Variants in RABGAP1 observed in about 807,000 individuals in gnomAD.
RABGAP1 encodes RAB GTPase activating protein 1.
Under a neutral mutation model 137.6 loss-of-function variants are expected in RABGAP1, and 23 were observed. The ratio of observed to expected loss-of-function variants is 0.17; its 90% CI spans 0.12 to 0.24. The LOEUF is 0.24. RABGAP1 is among the 10% of genes least tolerant of loss of function. The probability of loss-of-function intolerance (pLI) is 1.00; values close to 1 mark genes in which losing one functional copy is unlikely to be tolerated. For synonymous variants in RABGAP1, 451 were observed against 450.7 expected, an observed-to-expected ratio of 1.00 and a Z score of -0.01; for missense variants, 906 against 1,275.8, an observed-to-expected ratio of 0.71 and a Z score of 4.42.
intron 10 of RABGAP1, among the ~76,000 whole-genome samples, chr9:123,002,640 ATTTATTT>A (rs568842395): frequency 1.3e-5 from 2 of 151,884 alleles, no homozygotes; most frequent in Admixed American, 1.3e-4. Context: ...ATTTTTAAAA[ATTTATTT>A]TTTATTTTTA....
chr9:122,962,824 A>G (rs376535219), intron 2 of RABGAP1, among the ~76,000 whole-genome samples: 2 of 152,318 alleles, frequency 1.3e-5, no homozygotes, highest in East Asian at 1.9e-4. Context: ...ATCCAACTGT[A>G]TGCTCTCTAC....
intron 12 of RABGAP1, among the ~76,000 whole-genome samples, chr9:123,018,057 G>A (rs1031140767): frequency 1.1e-4 from 17 of 152,114 alleles, no homozygotes; most frequent in African/African-American, 2.9e-4. Flanking sequence ...GCAGTGGCGC[G>A]ATCTCGGCTC....
At chr9:123,015,291 T>TTC (rs1490673536) in intron 11 of RABGAP1, among the ~76,000 whole-genome samples, 1 of 91,432 alleles carries the variant, frequency 1.1e-5, no homozygotes, top group Non-Finnish European at 2.2e-5. Flanking sequence ...AATAGCTCCT[T>TTC]TTTTTTTTTT....
intron 8 of RABGAP1, among the ~76,000 whole-genome samples, 156 bp downstream of exon 8, chr9:122,996,761 T>C (rs1029337678): frequency 1.3e-5 from 2 of 152,246 alleles, no homozygotes; most frequent in Non-Finnish European, 2.9e-5. Context: ...TCCTTTTTCC[T>C]GACTAGCTAT....
intron 19 of RABGAP1, among the ~76,000 whole-genome samples, chr9:123,079,234 G>GT (rs1199323680): frequency 3.4e-4 from 48 of 142,496 alleles, no homozygotes; most frequent in African/African-American, 1.2e-3. Context: ...TTTTTGTTTT[G>GT]TTTTGTTTTT....
At chr9:122,985,938 A>G (rs1038697338) in intron 3 of RABGAP1, among the ~76,000 whole-genome samples, 1 of 152,208 alleles carries the variant, frequency 6.6e-6, no homozygotes, top group Non-Finnish European at 1.5e-5. Context: ...TTTAAGTGTC[A>G]TGTAGGTACT....
intron 13 of RABGAP1, among the ~76,000 whole-genome samples, chr9:123,027,226 C>T (rs1778723130): frequency 6.6e-6 from 1 of 151,456 alleles, no homozygotes; most frequent in African/African-American, 2.4e-5. Context: ...AGTGATTCTC[C>T]TGTCACAGCC....
chr9:123,103,020 G>C, intron 25 of RABGAP1, 71 bp from the exon 26 acceptor site: 1 of 1,551,340 alleles, frequency 6.4e-7, no homozygotes, highest in East Asian at 2.4e-5. Context: ...TTCTTGTCTT[G>C]GTTCTCCTCT....
chr9:123,049,056 A>G (rs2132052175), intron 13 of RABGAP1, among the ~76,000 whole-genome samples: 1 of 152,354 alleles, frequency 6.6e-6, no homozygotes, highest in South Asian at 2.1e-4. Flanking sequence ...AAACAATGTG[A>G]TAGCAGTAAA....
chr9:122,954,038 T>C (rs2044765), intron 1 of RABGAP1, among the ~76,000 whole-genome samples: 114,769 of 152,110 alleles, frequency 0.75, 45,292 homozygotes, highest in Middle Eastern at 0.89. Context: ...TGCAGGGCGT[T>C]GGAGGGAGGA....
chr9:123,033,351 C>A (rs962498390), intron 13 of RABGAP1, among the ~76,000 whole-genome samples: 2 of 152,082 alleles, frequency 1.3e-5, no homozygotes, highest in Non-Finnish European at 2.9e-5. Flanking sequence ...CTGTTACTAC[C>A]CCTTCTCCTT....
chr9:122,942,688 A>AAAAAAAAC (rs57695214), intron 1 of RABGAP1, among the ~76,000 whole-genome samples: 1 of 132,828 alleles, frequency 7.5e-6, no homozygotes, highest in Non-Finnish European at 1.7e-5. Flanking sequence ...AAAAAAAAAA[A>AAAAAAAAC]CACAAAAAAA....
chr9:122,950,160 A>G (rs1384298575), intron 1 of RABGAP1, among the ~76,000 whole-genome samples: 1 of 152,184 alleles, frequency 6.6e-6, no homozygotes, highest in Non-Finnish European at 1.5e-5. Context: ...TTTGGGGGCT[A>G]AATAATCAAT....
At chr9:122,962,984 T>C (rs1177619557) in intron 2 of RABGAP1, among the ~76,000 whole-genome samples, 1 of 152,222 alleles carries the variant, frequency 6.6e-6, no homozygotes, top group Non-Finnish European at 1.5e-5. Flanking sequence ...AGAGGTAATA[T>C]ATGAATAATG....
chr9:123,002,368 A>ATT lies in RABGAP1; in HGVS notation c.1374+3611_1374+3612dup, dbSNP rs1554797080. ...ATATATATTTTTATTATATATATAT[A>ATT]TTTTTTTTTTACTTACTGGCCTGAG... On this transcript the variant is annotated intron_variant, in intron 10 of 25. Coordinates refer to ENST00000373647, the MANE Select transcript of RABGAP1 (RefSeq NM_012197.4). 1.5e-3 allele frequency among the ~76,000 whole-genome samples: 161 copies of ATT among 108,508 alleles called. 1 individual carries two copies. Among genetic ancestry groups the ATT allele is most frequent in the Admixed American group, 6.0e-3 (61 of 10,238 alleles). 71.2% of individuals were successfully genotyped at this position (108,508 alleles called of 152,430 possible). A position where few individuals can be genotyped will look rare whatever the true frequency, so the allele number is the denominator to read the frequency against.
At chr9:122,937,836 A>G (rs934894302), upstream of RABGAP1, 1 of 152,394 alleles carries the variant, frequency 6.6e-6, no homozygotes, top group African/African-American at 2.4e-5. Context: ...TACTAAAAAT[A>G]CAAGAACTAG....
At chr9:123,099,292 T>A (rs2035273247) in intron 23 of RABGAP1, among the ~76,000 whole-genome samples, 186 bp from the exon 24 acceptor site, 1 of 152,122 alleles carries the variant, frequency 6.6e-6, no homozygotes, top group Non-Finnish European at 1.5e-5. Context: ...CCTAGGCCAG[T>A]GAATGCAGAG....
At chr9:123,019,502 CGG>C (rs2031471412) in intron 12 of RABGAP1, among the ~76,000 whole-genome samples, 1 of 151,872 alleles carries the variant, frequency 6.6e-6, no homozygotes. Flanking sequence ...TCTGTAGACA[CGG>C]GGTTCTTGCT....
chr9:122,963,168 G>A (rs1348722032), intron 2 of RABGAP1, among the ~76,000 whole-genome samples: 1 of 152,214 alleles, frequency 6.6e-6, no homozygotes, highest in Non-Finnish European at 1.5e-5. Flanking sequence ...CAGCAATTCA[G>A]GAGGCTGAGG....
Sources: allele counts gnomAD v4.1 joint callset (sites outside exome capture counted in the v4.1 genomes callset), GRCh38; gene constraint gnomAD v4.1.1; transcripts MANE v1.5; gene names NCBI Gene and HGNC (gene_info 2026-07-23, HGNC 2026-07-21).